Variants in PCSK2 observed in about 807,000 individuals in gnomAD.
The protein encoded by PCSK2 is neuroendocrine convertase 2.
PCSK2 carries 14 observed loss-of-function variants against 69.7 expected under a neutral mutation model. That is an observed-to-expected ratio of 0.20 (90% CI 0.13 to 0.31). PCSK2 has a LOEUF of 0.31. PCSK2 is among the 10% of genes least tolerant of loss of function. The probability of loss-of-function intolerance (pLI) is 1.00; values close to 1 mark genes in which losing one functional copy is unlikely to be tolerated. For missense variants in PCSK2, 544 were observed against 842.5 expected (o/e 0.65, Z 4.39); for synonymous variants, 307 against 320.7 (o/e 0.96, Z 0.46).
chr20:17,329,471 A>G (rs1990154309), intron 2 of PCSK2, among the ~76,000 whole-genome samples: 1 of 152,236 alleles, frequency 6.6e-6, no homozygotes, highest in Non-Finnish European at 1.5e-5. Flanking sequence ...TGTTAAAAAC[A>G]AACACATTCT....
At chr20:17,267,667 T>C (rs1441804193) in intron 2 of PCSK2, among the ~76,000 whole-genome samples, 3 of 152,140 alleles carry the variant, frequency 2.0e-5, no homozygotes, top group Non-Finnish European at 4.4e-5. Context: ...GCTGTTTTTT[T>C]CTAGATGTTC....
chr20:17,347,958 A>AG (rs1990724787), intron 2 of PCSK2, among the ~76,000 whole-genome samples: 1 of 48,196 alleles, frequency 2.1e-5, no homozygotes, highest in Non-Finnish European at 4.2e-5. Context: ...GAAAGAAAGA[A>AG]AGAGAAAGAA....
At chr20:17,445,900 G>A (rs556046705) in intron 8 of PCSK2, among the ~76,000 whole-genome samples, 2 of 152,208 alleles carry the variant, frequency 1.3e-5, no homozygotes, top group African/African-American at 2.4e-5. Context: ...TAAGAGAAAA[G>A]TCTGGTGGGT....
chr20:17,447,260 T>C (rs893322417), intron 8 of PCSK2, among the ~76,000 whole-genome samples: 1 of 117,838 alleles, frequency 8.5e-6, no homozygotes, highest in Non-Finnish European at 1.7e-5. Context: ...GACAGAGCTA[T>C]ACTCTGTCTC....
chr20:17,353,288 C>T (rs2123200075), intron 2 of PCSK2, among the ~76,000 whole-genome samples: 1 of 111,346 alleles, frequency 9.0e-6, no homozygotes, highest in East Asian at 2.4e-4. Flanking sequence ...CTGTGAAACC[C>T]TGTCTCCAAA....
intron 6 of PCSK2, among the ~76,000 whole-genome samples, chr20:17,421,806 GTAAA>G (rs2032132433): frequency 4.2e-5 from 1 of 23,538 alleles, no homozygotes; most frequent in African/African-American, 1.8e-4. Flanking sequence ...AGGAAGAGAG[GTAAA>G]AAAAAAAAAA....
At chr20:17,424,932 A>T (rs975093513) in intron 6 of PCSK2, among the ~76,000 whole-genome samples, 19 of 152,074 alleles carry the variant, frequency 1.2e-4, no homozygotes, top group Non-Finnish European at 2.5e-4. Flanking sequence ...CTACAGAGAC[A>T]GGCCACCATA....
chr20:17,323,076 G>A (rs1455166075), intron 2 of PCSK2, among the ~76,000 whole-genome samples: 2 of 152,120 alleles, frequency 1.3e-5, no homozygotes, highest in African/African-American at 4.8e-5. Flanking sequence ...TGTTGGCCAG[G>A]CTGGTGTCAA....
chr20:17,459,856 T>A (rs1438791847), intron 10 of PCSK2, among the ~76,000 whole-genome samples: 1 of 152,194 alleles, frequency 6.6e-6, no homozygotes, highest in Non-Finnish European at 1.5e-5. Context: ...GGATGATCAA[T>A]AAGGCAATAG....
chr20:17,296,182 C>T (rs1284315126), intron 2 of PCSK2, among the ~76,000 whole-genome samples: 1 of 152,168 alleles, frequency 6.6e-6, no homozygotes, highest in East Asian at 1.9e-4. Context: ...AGCAGGCTCC[C>T]TTGGGCCACA....
chr20:17,387,910 G>A (rs757492397), intron 5 of PCSK2, among the ~76,000 whole-genome samples: 1 of 152,128 alleles, frequency 6.6e-6, no homozygotes, highest in Non-Finnish European at 1.5e-5. Context: ...AAGAGTACTC[G>A]GTGATATAAA....
chr20:17,276,200 A>G (rs1320403605), intron 2 of PCSK2, among the ~76,000 whole-genome samples: 1 of 152,146 alleles, frequency 6.6e-6, no homozygotes, highest in East Asian at 1.9e-4. Context: ...TTTTCATCTT[A>G]CCAAAATGAT....
At chr20:17,416,366 T>G (rs1457463305) in intron 6 of PCSK2, among the ~76,000 whole-genome samples, 2 of 152,182 alleles carry the variant, frequency 1.3e-5, no homozygotes, top group Non-Finnish European at 2.9e-5. Flanking sequence ...GTGAAGGATA[T>G]GAACAGACAC....
chr20:17,351,461 G>A (rs1461433040), intron 2 of PCSK2, among the ~76,000 whole-genome samples: 1 of 152,028 alleles, frequency 6.6e-6, no homozygotes, highest in Non-Finnish European at 1.5e-5. Context: ...CAAAATACTA[G>A]CAAACCAAAT....
intron 6 of PCSK2, 121 bp from the exon 7 acceptor site, chr20:17,429,314 G>A (rs2032315930): frequency 4.1e-6 from 3 of 731,874 alleles, no homozygotes; most frequent in African/African-American, 3.5e-5. Context: ...CAGTGACACA[G>A]GGTTTACTTG....
At chr20:17,321,048 ATGT>A (rs759986753) in intron 2 of PCSK2, among the ~76,000 whole-genome samples, 2 of 152,174 alleles carry the variant, frequency 1.3e-5, no homozygotes, top group South Asian at 2.1e-4. Flanking sequence ...TGGTTGGGTT[ATGT>A]TGTTGTTGTT....
chr20:17,407,549 G>A (rs1349625323), intron 5 of PCSK2, among the ~76,000 whole-genome samples: 1 of 151,694 alleles, frequency 6.6e-6, no homozygotes. Context: ...CCTTGGGGAA[G>A]ACAAGTTACT....
intron 2 of PCSK2, among the ~76,000 whole-genome samples, chr20:17,279,178 T>C (rs1262446498): frequency 6.6e-6 from 1 of 152,208 alleles, no homozygotes; most frequent in Non-Finnish European, 1.5e-5. Context: ...CGATGCAGAA[T>C]GTCCTTCATG....
intron 5 of PCSK2, among the ~76,000 whole-genome samples, chr20:17,396,793 T>C (rs2031520327): frequency 6.6e-6 from 1 of 152,140 alleles, no homozygotes; most frequent in African/African-American, 2.4e-5. Context: ...ATATTTTTTA[T>C]ACTTTTTGTA....
Sources: allele counts gnomAD v4.1 joint callset (sites outside exome capture counted in the v4.1 genomes callset), GRCh38; gene constraint gnomAD v4.1.1; transcripts MANE v1.5; gene names NCBI Gene and HGNC (gene_info 2026-07-23, HGNC 2026-07-21).